The following THSD7B variants were observed in gnomAD, a reference collection of about 807,000 sequenced individuals.
THSD7B encodes the protein thrombospondin type-1 domain-containing protein 7B.
THSD7B carries 138 observed loss-of-function variants against 213.6 expected under a neutral mutation model. The ratio of observed to expected loss-of-function variants is 0.65; its 90% CI spans 0.56 to 0.74. The LOEUF (loss-of-function observed/expected upper bound fraction) is 0.74, where lower values mean the gene tolerates loss of function less well. Ranked by LOEUF, THSD7B falls within the 30% of genes least tolerant of loss-of-function variation. THSD7B has a pLI of 0.00. For synonymous variants in THSD7B, 742 were observed against 687.0 expected (o/e 1.08, Z -1.25); for missense variants, 1,931 against 1,991.5 (o/e 0.97, Z 0.58).
chr2:137,272,985 C>T (rs1682781821), intron 11 of THSD7B, among the ~76,000 whole-genome samples: 1 of 147,826 alleles, frequency 6.8e-6, no homozygotes, highest in East Asian at 2.0e-4. Context: ...TATCTGGGGG[C>T]TGGGAGAAGA....
At chr2:137,045,159 T>A (rs1686947831) in intron 2 of THSD7B, among the ~76,000 whole-genome samples, 3 of 152,200 alleles carry the variant, frequency 2.0e-5, no homozygotes, top group Admixed American at 2.0e-4. Context: ...ATGGTAGATC[T>A]TAATAACCTC....
chr2:137,290,263 G>T (rs1327341303), intron 12 of THSD7B, among the ~76,000 whole-genome samples: 1 of 151,804 alleles, frequency 6.6e-6, no homozygotes, highest in Non-Finnish European at 1.5e-5. Context: ...CTAATTTTTT[G>T]TATTTTTAGT....
At chr2:137,161,992 T>C (rs1196280134) in intron 6 of THSD7B, among the ~76,000 whole-genome samples, 2 of 152,212 alleles carry the variant, frequency 1.3e-5, no homozygotes, top group African/African-American at 2.4e-5. Context: ...TGCCTTCATC[T>C]ACTTTCAAAG....
At chr2:136,801,454 T>C (rs570856451) in intron 1 of THSD7B, among the ~76,000 whole-genome samples, 69 of 152,162 alleles carry the variant, frequency 4.5e-4, no homozygotes, top group African/African-American at 1.6e-3. Context: ...TGCAACCTTA[T>C]GTCAAGAAAG....
chr2:137,154,855 C>T (rs1558940386), intron 5 of THSD7B, among the ~76,000 whole-genome samples: 1 of 152,094 alleles, frequency 6.6e-6, no homozygotes, highest in African/African-American at 2.4e-5. Flanking sequence ...GAATTAAGAA[C>T]AGTTTTTTTT....
intron 4 of THSD7B, among the ~76,000 whole-genome samples, chr2:137,104,025 A>C (rs949453584): frequency 6.6e-6 from 1 of 152,224 alleles, no homozygotes; most frequent in Non-Finnish European, 1.5e-5. Flanking sequence ...CTCTGAACCA[A>C]GTGGACCTAA....
chr2:136,942,348 A>G (rs1018621256), intron 2 of THSD7B, among the ~76,000 whole-genome samples: 9 of 152,140 alleles, frequency 5.9e-5, no homozygotes, highest in African/African-American at 1.9e-4. Context: ...TTGGTTCCAT[A>G]TGAACTTTAA....
chr2:136,890,342 T>C (rs1305052523), intron 2 of THSD7B, among the ~76,000 whole-genome samples: 2,146 of 7,192 alleles, frequency 0.3, 54 homozygotes, highest in Middle Eastern at 0.62. Context: ...TTCTTCTTCT[T>C]CTTCTTCTTC....
At chr2:137,322,352 T>C (rs1202144740) in intron 12 of THSD7B, among the ~76,000 whole-genome samples, 1 of 152,176 alleles carries the variant, frequency 6.6e-6, no homozygotes, top group African/African-American at 2.4e-5. Flanking sequence ...ATGATTAAAA[T>C]GAAATTAGAG....
chr2:137,459,970 G>A (rs1422653895), intron 15 of THSD7B, among the ~76,000 whole-genome samples: 1 of 152,120 alleles, frequency 6.6e-6, no homozygotes, highest in Non-Finnish European at 1.5e-5. Flanking sequence ...CTTGCCCAAT[G>A]AAGCCATCAT....
intron 27 of THSD7B, among the ~76,000 whole-genome samples, chr2:137,672,709 G>A (rs143594953): frequency 1.2e-3 from 190 of 152,300 alleles, no homozygotes; most frequent in Middle Eastern, 6.8e-3. Context: ...GCTATAATAT[G>A]CCAGGTCTTT....
rs1193766713 is a variant in THSD7B at position 136,906,950 on chromosome 2, T to TTTTTTTTTTTC, written c.139+24643_139+24644insCTTTTTTTTTT. On this transcript the variant is annotated intron_variant, in intron 2 of 27. Transcript: ENST00000409968. ...TACATTTCAAGGTTTTTTTTTTTTT[T>TTTTTTTTTTTC]TTTTTTTTTTTTTTTAGAGGGTCTG... Among the ~76,000 whole-genome samples the TTTTTTTTTTTC allele has an allele frequency of 5.5e-4, 71 of 128,764 alleles. 3 individuals are homozygous for TTTTTTTTTTTC. The highest frequency in any genetic ancestry group is 2.0e-3 in the African/African-American group (69 of 33,888). 84.5% of individuals were successfully genotyped at this position (128,764 alleles called of 152,430 possible). A position where few individuals can be genotyped will look rare whatever the true frequency, so the allele number is the denominator to read the frequency against.
At chr2:136,858,884 C>T (rs115859647) in intron 1 of THSD7B, among the ~76,000 whole-genome samples, 2,078 of 152,232 alleles carry the variant, frequency 0.014, 54 homozygotes, top group African/African-American at 0.048. Flanking sequence ...AAGTTGCTCC[C>T]GGCTTCCACT....
intron 2 of THSD7B, among the ~76,000 whole-genome samples, chr2:137,039,652 T>C (rs530068947): frequency 6.6e-6 from 1 of 152,306 alleles, no homozygotes; most frequent in African/African-American, 2.4e-5. Flanking sequence ...GTCTCTGTCT[T>C]TATATGCCTA....
At chr2:137,568,618 G>A (rs924168329) in intron 16 of THSD7B, among the ~76,000 whole-genome samples, 2 of 152,168 alleles carry the variant, frequency 1.3e-5, no homozygotes, top group African/African-American at 4.8e-5. Flanking sequence ...CAAAGGGGAA[G>A]CAAGCTTGGA....
At chr2:136,988,905 A>G (rs976866247) in intron 2 of THSD7B, among the ~76,000 whole-genome samples, 6 of 152,246 alleles carry the variant, frequency 3.9e-5, no homozygotes, top group African/African-American at 1.4e-4. Context: ...AAAACAATGA[A>G]TCAGAAAAAC....
intron 1 of THSD7B, among the ~76,000 whole-genome samples, chr2:136,802,643 A>T (rs1286316424): frequency 1.5e-5 from 1 of 66,132 alleles, no homozygotes; most frequent in East Asian, 5.4e-4. Context: ...TTAAGTTTAT[A>T]TATATATATA....
intron 12 of THSD7B, among the ~76,000 whole-genome samples, chr2:137,327,103 T>G (rs565774986): frequency 6.6e-6 from 1 of 152,232 alleles, no homozygotes; most frequent in Non-Finnish European, 1.5e-5. Flanking sequence ...ATTTGTCATC[T>G]CCAATGAAGG....
At chr2:137,535,884 C>CA (rs1680496348) in intron 15 of THSD7B, among the ~76,000 whole-genome samples, 2 of 151,340 alleles carry the variant, frequency 1.3e-5, no homozygotes, top group African/African-American at 4.8e-5. Context: ...GGGGAACAGA[C>CA]TTGGAGACAG....
Sources: allele counts gnomAD v4.1 joint callset (sites outside exome capture counted in the v4.1 genomes callset), GRCh38; gene constraint gnomAD v4.1.1; transcripts MANE v1.5; gene names NCBI Gene and HGNC (gene_info 2026-07-23, HGNC 2026-07-21).